Variants in LRBA observed in about 807,000 individuals in gnomAD.
The protein encoded by LRBA is lipopolysaccharide-responsive and beige-like anchor protein.
In LRBA, 176 loss-of-function variants were observed where a neutral mutation model predicts 330.0. That is an observed-to-expected ratio of 0.53 (90% CI 0.47 to 0.60). The LOEUF (loss-of-function observed/expected upper bound fraction) is 0.60. Among genes scored for constraint, LRBA ranks in the 20% least tolerant of loss-of-function variants. The pLI is 0.00. For missense variants in LRBA, 3,259 were observed against 3,444.8 expected (o/e 0.95, Z 1.35); for synonymous variants, 1,230 against 1,193.0 (o/e 1.03, Z -0.64).
intron 40 of LRBA, among the ~76,000 whole-genome samples, chr4:150,529,426 G>C (rs2064707293): frequency 6.6e-6 from 1 of 152,072 alleles, no homozygotes; most frequent in Non-Finnish European, 1.5e-5. Context: ...TATATTAAAA[G>C]CAATAATCTG....
At position 150,321,739 on chromosome 4, in the gene LRBA, T is replaced by C. The variant is rs920110737; in HGVS notation, c.7453-371A>G. On this transcript the variant is annotated intron_variant, in intron 49 of 56. Coordinates refer to ENST00000651943, the MANE Select transcript of LRBA (RefSeq NM_001364905.1). This position sits in a 1 kb window ranked among gnomAD's most constrained non-coding sequence, Gnocchi z 4.5. The stretch of plus-strand genomic sequence containing the variant: ...TTGCATTAAACCATTCTGGTTGCTA[T>C]CGTGTCACATAATGATCTTTTAGCA... Among the ~76,000 whole-genome samples the C allele has an allele frequency of 6.6e-6, 1 of 152,154 alleles. No individual in the cohort carries two copies. The highest frequency in any genetic ancestry group is 1.9e-4 in the East Asian group (1 of 5,188).
chr4:150,350,299 C>T (rs1455610812), intron 47 of LRBA, 140 bp from the exon 48 acceptor site: 9 of 643,516 alleles, frequency 1.4e-5, no homozygotes, highest in Non-Finnish European at 1.5e-5. Context: ...TGGCCGGGCG[C>T]AGTGGCTCAC....
chr4:151,004,481 A>G (rs1046657958), intron 2 of LRBA, among the ~76,000 whole-genome samples: 2 of 152,216 alleles, frequency 1.3e-5, no homozygotes, highest in Non-Finnish European at 2.9e-5. Context: ...ATTTCATCAC[A>G]CTACTCAGAA....
chr4:150,700,182 A>T (rs536984889), intron 36 of LRBA, among the ~76,000 whole-genome samples: 32 of 152,268 alleles, frequency 2.1e-4, no homozygotes, highest in Middle Eastern at 3.4e-3. Flanking sequence ...TATTATTTTT[A>T]TCAAAGGTGA....
chr4:150,332,863 C>G (rs1734167610), intron 48 of LRBA, among the ~76,000 whole-genome samples: 1 of 152,062 alleles, frequency 6.6e-6, no homozygotes, highest in Admixed American at 6.6e-5. Context: ...TAAACAGCAT[C>G]TCAAATATTA....
chr4:150,478,261 A>C (rs923423782), intron 42 of LRBA, among the ~76,000 whole-genome samples: 1 of 152,034 alleles, frequency 6.6e-6, no homozygotes, highest in Non-Finnish European at 1.5e-5. Context: ...TCAACATTTC[A>C]ATCTGGATGT....
chr4:150,365,164 A>G (rs1739279324), intron 47 of LRBA, among the ~76,000 whole-genome samples: 1 of 151,636 alleles, frequency 6.6e-6, no homozygotes, highest in Non-Finnish European at 1.5e-5. Context: ...ATGCCACCAC[A>G]CCCGGCGAAT....
At position 150,831,111 on chromosome 4, in the gene LRBA, C is replaced by G. The variant is rs147240690; in HGVS notation, c.4729+706G>C. ...AAATTGTAACTCCTGTACTCAAGAC[C>G]CTCCAATGAGTTCTCATTTCCCTCA... On this transcript the variant is annotated intron_variant, in intron 29 of 56. Transcript: ENST00000651943. 4.2e-3 allele frequency among the ~76,000 whole-genome samples: 631 copies of G among 152,012 alleles called. 4 individuals carry two copies. Among genetic ancestry groups the G allele is most frequent in the African/African-American group, 0.014 (568 of 41,476 alleles).
chr4:150,389,848 G>A (rs1338421268), intron 47 of LRBA, among the ~76,000 whole-genome samples: 1 of 93,722 alleles, frequency 1.1e-5, no homozygotes, highest in Admixed American at 9.9e-5. Flanking sequence ...CAGTGTTGTC[G>A]GCAACAAATG....
At chr4:150,967,371 T>C (rs1739022230) in intron 2 of LRBA, among the ~76,000 whole-genome samples, 1 of 152,268 alleles carries the variant, frequency 6.6e-6, no homozygotes, top group Admixed American at 6.5e-5. Flanking sequence ...CTATTTATTA[T>C]ATCCAGAAGG....
At chr4:150,661,268 C>T (rs1354730280) in intron 37 of LRBA, among the ~76,000 whole-genome samples, 9 of 151,398 alleles carry the variant, frequency 5.9e-5, no homozygotes, top group Non-Finnish European at 1.3e-4. Flanking sequence ...GTCAGGAGTT[C>T]ATGACCAGCC....
At chr4:150,639,819 G>GTATATATA (rs56731034) in intron 37 of LRBA, among the ~76,000 whole-genome samples, 3 of 4,510 alleles carry the variant, frequency 6.7e-4, no homozygotes, top group African/African-American at 8.3e-4. Context: ...GTGTGTGTGT[G>GTATATATA]TATATATATA....
intron 31 of LRBA, among the ~76,000 whole-genome samples, chr4:150,814,951 A>G (rs916221004): frequency 3.3e-5 from 5 of 152,038 alleles, no homozygotes; most frequent in Non-Finnish European, 7.4e-5. Flanking sequence ...TGTTACATGT[A>G]AAATATTACC....
intron 35 of LRBA, among the ~76,000 whole-genome samples, chr4:150,740,963 A>G (rs1470032782): frequency 6.6e-6 from 1 of 152,146 alleles, no homozygotes; most frequent in Non-Finnish European, 1.5e-5. Flanking sequence ...TGATGCTCAT[A>G]TGGACAAATT....
chr4:150,499,391 C>T (rs747363780), intron 40 of LRBA, among the ~76,000 whole-genome samples: 5 of 152,066 alleles, frequency 3.3e-5, no homozygotes, highest in Non-Finnish European at 7.4e-5. Context: ...GCCTGTAATC[C>T]TAGCAATTTG....
At chr4:150,870,471 C>T (rs1753288897) in intron 20 of LRBA, 54 bp downstream of exon 20, 4 of 931,360 alleles carry the variant, frequency 4.3e-6, no homozygotes, top group African/African-American at 1.6e-5. Context: ...TTCACAGTGA[C>T]TTTCTTTTTA....
chr4:150,552,076 G>C (rs944675972), intron 40 of LRBA, among the ~76,000 whole-genome samples: 1 of 152,012 alleles, frequency 6.6e-6, no homozygotes, highest in Non-Finnish European at 1.5e-5. Flanking sequence ...AATAAGGTTC[G>C]CACCCCTATG....
At chr4:150,582,936 T>C in intron 40 of LRBA, 1 of 1,466,812 alleles carries the variant, frequency 6.8e-7, no homozygotes. Flanking sequence ...GCACCGCCTC[T>C]TTCGAAAGCC....
intron 40 of LRBA, among the ~76,000 whole-genome samples, chr4:150,528,328 T>C (rs1310790928): frequency 6.6e-6 from 1 of 151,846 alleles, no homozygotes; most frequent in Non-Finnish European, 1.5e-5. Flanking sequence ...TGGAACCCTG[T>C]CTCTACTAAA....
Sources: allele counts gnomAD v4.1 joint callset (sites outside exome capture counted in the v4.1 genomes callset), GRCh38; gene constraint gnomAD v4.1.1; non-coding constraint Gnocchi (gnomAD v3.1); transcripts MANE v1.5; gene names NCBI Gene and HGNC (gene_info 2026-07-23, HGNC 2026-07-21).